Variants in RASAL2 observed in about 807,000 individuals in gnomAD.
The protein encoded by RASAL2 is ras GTPase-activating protein nGAP.
In RASAL2, 58 loss-of-function variants were observed where a neutral mutation model predicts 128.9. The ratio of observed to expected loss-of-function variants is 0.45; its 90% confidence interval spans 0.36 to 0.56. The LOEUF is 0.56. Among genes scored for constraint, RASAL2 ranks in the 20% least tolerant of loss-of-function variants. The pLI is 0.00. For missense variants in RASAL2, 1,360 were observed against 1,601.6 expected, an observed-to-expected ratio of 0.85 and a Z score of 2.57; for synonymous variants, 561 against 580.8, an observed-to-expected ratio of 0.97 and a Z score of 0.49.
intron 1 of RASAL2, among the ~76,000 whole-genome samples, chr1:178,152,698 C>G (rs979160806): frequency 4.6e-5 from 7 of 152,184 alleles, no homozygotes; most frequent in African/African-American, 1.7e-4. Flanking sequence ...AAAAAGCCAC[C>G]TTTTTCGGTA....
intron 3 of RASAL2, among the ~76,000 whole-genome samples, chr1:178,333,020 GATTT>G (rs1413841687): frequency 1.3e-5 from 2 of 151,502 alleles, no homozygotes; most frequent in African/African-American, 2.4e-5. Context: ...TTCCTTATCA[GATTT>G]ATTTATTTAT....
At chr1:178,434,221 T>C (rs150838212) in intron 5 of RASAL2, among the ~76,000 whole-genome samples, 1,632 of 152,236 alleles carry the variant, frequency 0.011, 29 homozygotes, top group African/African-American at 0.036. Flanking sequence ...AGATATGTTA[T>C]AACATGGTAC....
At chr1:178,274,852 A>G (rs1666421106) in intron 1 of RASAL2, among the ~76,000 whole-genome samples, 1 of 152,132 alleles carries the variant, frequency 6.6e-6, no homozygotes, top group Admixed American at 6.5e-5. Context: ...CTGCCTCCCA[A>G]AGTGCTAGGA....
intron 1 of RASAL2, among the ~76,000 whole-genome samples, chr1:178,145,994 G>A (rs1369320072): frequency 6.6e-6 from 1 of 152,216 alleles, no homozygotes; most frequent in Non-Finnish European, 1.5e-5. Context: ...CATTATTGAG[G>A]AAGGAAGAGA....
intron 3 of RASAL2, among the ~76,000 whole-genome samples, chr1:178,325,689 T>G (rs1255779128): frequency 6.6e-6 from 1 of 152,238 alleles, no homozygotes; most frequent in African/African-American, 2.4e-5. Flanking sequence ...AGAAACTGTA[T>G]GCAGAATATG....
At chr1:178,334,495 C>T (rs961902607) in intron 3 of RASAL2, among the ~76,000 whole-genome samples, 1 of 151,974 alleles carries the variant, frequency 6.6e-6, no homozygotes, top group Non-Finnish European at 1.5e-5. Flanking sequence ...TGCGCCACCA[C>T]GCCTTGCTAA....
At chr1:178,426,273 A>G (rs1451699770) in intron 5 of RASAL2, among the ~76,000 whole-genome samples, 1 of 152,206 alleles carries the variant, frequency 6.6e-6, no homozygotes, top group Non-Finnish European at 1.5e-5. Flanking sequence ...ATCAATAGAT[A>G]TACAAAAACA....
intron 3 of RASAL2, among the ~76,000 whole-genome samples, chr1:178,386,071 A>C (rs1400138625): frequency 3.3e-5 from 5 of 152,206 alleles, no homozygotes; most frequent in Non-Finnish European, 7.3e-5. Context: ...TAAGTGAACC[A>C]AAGGCAGTGT....
intron 11 of RASAL2, among the ~76,000 whole-genome samples, chr1:178,453,180 A>G (rs1677509870): frequency 6.6e-6 from 1 of 152,120 alleles, no homozygotes; most frequent in South Asian, 2.1e-4. Context: ...CTTGAAACTT[A>G]TTTGGATCTT....
chr1:178,169,960 C>T (rs1187337943), intron 1 of RASAL2, among the ~76,000 whole-genome samples: 6 of 151,952 alleles, frequency 3.9e-5, no homozygotes, highest in African/African-American at 1.4e-4. Flanking sequence ...AACAGTTTGG[C>T]TAAGTGATTA....
rs745622111 is a variant in RASAL2 at position 178,439,485 on chromosome 1, C to T, written c.738C>T (p.Ser246=). Residue 246 remains serine (S), a synonymous_variant, in exon 6 of 18, where the codon AGC becomes AGT. Transcript: ENST00000367649. The part of the protein sequence containing the change: ...RSHESLLSPC[S]TVECLDLGRG... ...ATGAATCCTTGCTGAGCCCATGCAG[C>T]ACAGTGGAATGTCTGGATCTTGGTA... 2.5e-6 allele frequency: 4 copies of T among 1,612,748 alleles called. No homozygotes were observed. The highest frequency in any genetic ancestry group is 3.4e-6 in the Non-Finnish European group (4 of 1,179,204).
chr1:178,380,059 G>T (rs1210726937), intron 3 of RASAL2, among the ~76,000 whole-genome samples: 2 of 152,096 alleles, frequency 1.3e-5, no homozygotes, highest in East Asian at 3.9e-4. Context: ...GCTAATTTTT[G>T]TATTTTTTGT....
At chr1:178,161,870 G>A (rs1661312323) in intron 1 of RASAL2, among the ~76,000 whole-genome samples, 1 of 151,990 alleles carries the variant, frequency 6.6e-6, no homozygotes, top group Admixed American at 6.6e-5. Context: ...GAGACACTGT[G>A]TGTCTTCTTT....
intron 3 of RASAL2, among the ~76,000 whole-genome samples, chr1:178,308,614 T>C: frequency 6.7e-6 from 1 of 150,226 alleles, no homozygotes; most frequent in East Asian, 2.0e-4. Flanking sequence ...GGTGTAATCA[T>C]GACTCACTGC....
chr1:178,137,579 G>A (rs1660371604), intron 1 of RASAL2, among the ~76,000 whole-genome samples: 2 of 152,126 alleles, frequency 1.3e-5, no homozygotes, highest in African/African-American at 4.8e-5. Context: ...CTATGCTTCT[G>A]TCATCTGAGG....
intron 1 of RASAL2, among the ~76,000 whole-genome samples, chr1:178,151,129 T>C (rs1297925453): frequency 1.8e-4 from 27 of 152,112 alleles, no homozygotes; most frequent in Admixed American, 1.8e-3. Flanking sequence ...CAGCCAGGCA[T>C]GGTGGCTCAC....
chr1:178,327,539 A>G (rs1235090184), intron 3 of RASAL2, among the ~76,000 whole-genome samples: 1 of 151,804 alleles, frequency 6.6e-6, no homozygotes, highest in Non-Finnish European at 1.5e-5. Flanking sequence ...TTTAATAGAG[A>G]CAGTATTTCT....
Position 178,443,144 on chromosome 1 carries a change from T to C in RASAL2, c.1397T>C (p.Val466Ala), listed in dbSNP as rs755468948. 6.2e-7 allele frequency: 1 copy of C among 1,613,832 alleles called. No individual in the cohort carries two copies. Among genetic ancestry groups the C allele is most frequent in the South Asian group, 1.1e-5 (1 of 91,074 alleles). The change falls in exon 8 of 18, where the codon GTC becomes GCC. Residue 466 changes from valine (V) to alanine (A), a missense_variant. Physicochemically the swap from Val to Ala is moderately conservative, Grantham distance 64. This residue lies in a region of RASAL2 where 617 missense variants were observed against 714.2 expected (regional missense o/e 0.86). Coordinates refer to ENST00000367649, the MANE Select transcript of RASAL2 (RefSeq NM_170692.4). ...AGCAACTACACCATGCTGTGTTCTGTCCTTGAGCCAGTAATTAGTGTGAGA... is the reference window on the plus strand; with the variant it reads ...AGCAACTACACCATGCTGTGTTCTGCCCTTGAGCCAGTAATTAGTGTGAGA... Reference protein sequence around the residue: ...VTSNYTMLCSVLEPVISVRNK... With the variant: ...VTSNYTMLCSALEPVISVRNK...
In RASAL2 at chr1:178,094,566, C is replaced by A; in HGVS notation, c.74C>A (p.Ser25Tyr). ...SWPEMFPALE[S>Y]DSPLPPEDLD... The stretch of plus-strand genomic sequence containing the variant: ...CCGGAGATGTTCCCGGCGCTGGAGT[C>A]CGACTCGCCGCTGCCCCCGGAGGAC... Residue 25 changes from serine to tyrosine, a missense_variant, in exon 1 of 18, where the codon TCC becomes TAC. Physicochemically the swap from Ser to Tyr is moderately radical, Grantham distance 144 (BLOSUM62 -2). This residue lies in a region of RASAL2 where 617 missense variants were observed against 714.2 expected (regional missense o/e 0.86). Transcript: ENST00000367649. 6.3e-7 allele frequency: 1 copy of A among 1,599,268 alleles called. No homozygotes were observed. The highest frequency in any genetic ancestry group is 8.5e-7 in the Non-Finnish European group (1 of 1,173,252).
Sources: allele counts gnomAD v4.1 joint callset (sites outside exome capture counted in the v4.1 genomes callset), GRCh38; gene constraint gnomAD v4.1.1; regional missense constraint gnomAD v4.1.1; transcripts MANE v1.5; gene names NCBI Gene and HGNC (gene_info 2026-07-23, HGNC 2026-07-21).